Variants in MYO6 observed in about 807,000 individuals in gnomAD.
MYO6 encodes the protein unconventional myosin-VI.
A neutral mutation model predicts 178.7 loss-of-function variants in MYO6; 74 were observed. The observed-to-expected ratio is 0.41, with a 90% CI of 0.34 to 0.50. The LOEUF is 0.50. Ranked by LOEUF, MYO6 falls within the 20% of genes least tolerant of loss-of-function variation. The pLI is 0.09. For synonymous variants in MYO6, 477 were observed against 504.6 expected (o/e 0.95, Z 0.73); for missense variants, 1,330 against 1,547.4 (o/e 0.86, Z 2.36).
rs1177968456 is a variant in MYO6, at chr6:75,892,704, TG to T, written c.3107+17del. 6.2e-7 allele frequency: 1 copy of T among 1,612,048 alleles called. No individual in the cohort carries two copies. Among genetic ancestry groups the T allele is most frequent in the Admixed American group, 1.7e-5 (1 of 60,010 alleles). ...GGCGCTGCGGAGGTACTGGGGCCCC[TG>T]GGTGGGGTATAGCGCTCTCTCCTTT... is the stretch of plus-strand genomic sequence containing the variant. On this transcript the variant is annotated intron_variant, in intron 28 of 34. Transcript: ENST00000369977.
At chr6:75,817,028 G>A (rs903233302) in intron 1 of MYO6, among the ~76,000 whole-genome samples, 4 of 152,126 alleles carry the variant, frequency 2.6e-5, no homozygotes, top group South Asian at 2.1e-4. Context: ...AAAGGGGGCC[G>A]GGCACGGTGG....
At chr6:75,805,734 T>C (rs530599952) in intron 1 of MYO6, among the ~76,000 whole-genome samples, 1 of 152,226 alleles carries the variant, frequency 6.6e-6, no homozygotes, top group Non-Finnish European at 1.5e-5. Context: ...GAATTATCTC[T>C]CTTAGAATAA....
chr6:75,817,430 A>T, intron 1 of MYO6, 71 bp from the exon 2 acceptor site: 2 of 874,968 alleles, frequency 2.3e-6, no homozygotes, highest in South Asian at 2.7e-5. Context: ...AACTTTTGAA[A>T]AAGATACATT....
At chr6:75,868,368 A>G (rs1370342714) in intron 18 of MYO6, among the ~76,000 whole-genome samples, 1 of 151,934 alleles carries the variant, frequency 6.6e-6, no homozygotes, top group Non-Finnish European at 1.5e-5. Context: ...ATTGGTTTAA[A>G]AATAGTATAT....
At position 75,805,447 on chromosome 6, in the gene MYO6, T is replaced by A. The variant is rs574931972; in HGVS notation, c.-47-12054T>A. Among the ~76,000 whole-genome samples, 3 of 152,344 alleles carry A rather than the reference T, an allele frequency of 2.0e-5. No homozygotes were observed. In the East Asian group the frequency reaches 5.8e-4, roughly 29 times the overall value. ...ATGTTATTGGAGTTATCATTGGAGA[T>A]GCAGATAAAAGAGAATATAGTGGTG... On this transcript the variant is annotated intron_variant, in intron 1 of 34. Coordinates refer to ENST00000369977, the MANE Select transcript of MYO6 (RefSeq NM_004999.4).
At chr6:75,887,970 C>G (rs1221133858) in intron 25 of MYO6, among the ~76,000 whole-genome samples, 2 of 149,198 alleles carry the variant, frequency 1.3e-5, no homozygotes, top group African/African-American at 5.0e-5. Context: ...CAGAGCAAGA[C>G]TCCGTCTCAA....
At chr6:75,775,938 A>G (rs1472336534) in intron 1 of MYO6, among the ~76,000 whole-genome samples, 1 of 152,082 alleles carries the variant, frequency 6.6e-6, no homozygotes, top group Non-Finnish European at 1.5e-5. Context: ...GTTTTCATGG[A>G]ATGTGTAGCG....
At chr6:75,890,641 G>A (rs949842471) in intron 26 of MYO6, among the ~76,000 whole-genome samples, 4 of 152,040 alleles carry the variant, frequency 2.6e-5, no homozygotes, top group Admixed American at 1.3e-4. Context: ...CACCGTGCTC[G>A]GTTGACAATT....
intron 3 of MYO6, among the ~76,000 whole-genome samples, chr6:75,826,916 AAAAG>A (rs1269869814): frequency 6.6e-6 from 1 of 152,182 alleles, no homozygotes; most frequent in Non-Finnish European, 1.5e-5. Context: ...TTGTCTCAAA[AAAAG>A]AAAAAAAAAA....
At position 75,848,569 on chromosome 6, in the gene MYO6, T is replaced by C. The variant is rs926457464; in HGVS notation, c.1078+38T>C. 3.8e-6 allele frequency: 6 copies of C among 1,585,784 alleles called. No individual in the cohort carries two copies. In the African/African-American group the frequency reaches 4.1e-5, roughly 11 times the overall value. ...TTTTTTTAAGAGGAAAAAAATTAAA[T>C]AGAATTTCTGTTATTTATTTGTCAT... On this transcript the variant is annotated intron_variant, in intron 11 of 34. Transcript: ENST00000369977.
At chr6:75,855,339 A>G in intron 12 of MYO6, 56 bp downstream of exon 12, 1 of 1,558,816 alleles carries the variant, frequency 6.4e-7, no homozygotes, top group East Asian at 2.3e-5. Flanking sequence ...TTGTCAAGGA[A>G]AAACATAAGT....
chr6:75,867,093 A>G lies in MYO6; in HGVS notation c.1932A>G (p.Gly644=). The G allele has an allele frequency of 6.2e-7, 1 of 1,612,836 alleles. No individual in the cohort carries two copies. Among genetic ancestry groups the G allele is most frequent in the Non-Finnish European group, 8.5e-7 (1 of 1,179,324 alleles). The change falls in exon 18 of 35, where the codon GGA becomes GGG. Residue 644 remains glycine, a synonymous_variant. Transcript: ENST00000369977. ...KAGKLSFISV[G]NKFKTQLNLL... is the part of the protein sequence containing the mutation. ...GAAAACTTAGCTTCATCAGCGTGGG[A>G]AACAAGTTTAAGGTATTTGTGTTAT...
intron 2 of MYO6, 50 bp downstream of exon 2, chr6:75,817,714 G>T (rs971741534): frequency 1.3e-6 from 2 of 1,510,946 alleles, no homozygotes; most frequent in Non-Finnish European, 1.8e-6. Flanking sequence ...AAAAATAGGT[G>T]TTTTTTTTCA....
At chr6:75,787,730 C>CTCTCTATA (rs1767784406) in intron 1 of MYO6, among the ~76,000 whole-genome samples, 1 of 11,660 alleles carries the variant, frequency 8.6e-5, no homozygotes, top group Non-Finnish European at 1.5e-4. Context: ...CTCTCTCTCT[C>CTCTCTATA]TATATATATA....
rs776057057 is a variant in MYO6 at position 75,908,511 on chromosome 6, C to G, written c.3296C>G (p.Ala1099Gly). 2 of 1,612,986 alleles carry G rather than the reference C, an allele frequency of 1.2e-6. No individual in the cohort carries two copies. Among genetic ancestry groups the G allele is most frequent in the Admixed American group, 1.7e-5 (1 of 59,968 alleles). ...INTSCDIELL[A>G]ACREEFHRRL... is the part of the protein sequence containing the mutation. ...TAATCAATAGATATTGAGCTCCTGG[C>G]AGCTTGCAGAGAAGAATTTCATAGG... Residue 1099 changes from alanine to glycine, a missense_variant, in exon 32 of 35, where the codon GCA becomes GGA. Around this residue, in one of 3 missense-constraint regions of MYO6, gnomAD observed 601 missense variants for 626.1 expected, o/e 0.96. Transcript: ENST00000369977.
At chr6:75,909,204 T>A (rs1320493113) in intron 32 of MYO6, among the ~76,000 whole-genome samples, 1 of 152,210 alleles carries the variant, frequency 6.6e-6, no homozygotes, top group Non-Finnish European at 1.5e-5. Flanking sequence ...TTCTAATTTT[T>A]AAAATTTAAT....
At chr6:75,811,150 A>G (rs1336338527) in intron 1 of MYO6, among the ~76,000 whole-genome samples, 3 of 151,972 alleles carry the variant, frequency 2.0e-5, no homozygotes, top group East Asian at 1.9e-4. Context: ...TTCCATCAAT[A>G]TGGAGTTTGT....
At chr6:75,776,702 G>T (rs1056881441) in intron 1 of MYO6, among the ~76,000 whole-genome samples, 1 of 150,398 alleles carries the variant, frequency 6.6e-6, no homozygotes, top group Non-Finnish European at 1.5e-5. Context: ...TGGTAGAGAT[G>T]GGGTAGTGCT....
At chr6:75,803,988 AGC>A (rs1769747347) in intron 1 of MYO6, among the ~76,000 whole-genome samples, 1 of 152,028 alleles carries the variant, frequency 6.6e-6, no homozygotes, top group African/African-American at 2.4e-5. Context: ...TGGCCACCTG[AGC>A]TGAAGCTATT....
Sources: allele counts gnomAD v4.1 joint callset (sites outside exome capture counted in the v4.1 genomes callset), GRCh38; gene constraint gnomAD v4.1.1; regional missense constraint gnomAD v4.1.1; transcripts MANE v1.5; gene names NCBI Gene and HGNC (gene_info 2026-07-23, HGNC 2026-07-21).